Variants in ZNF215 observed in about 807,000 individuals in gnomAD.
ZNF215 encodes BWSCR2-associated zinc finger protein 2.
In ZNF215, 24 loss-of-function variants were observed where a neutral mutation model predicts 27.2. The observed-to-expected ratio is 0.88, with a 90% confidence interval of 0.64 to 1.24. The LOEUF (loss-of-function observed/expected upper bound fraction) is 1.24, where lower values mean the gene tolerates loss of function less well. Ranked by LOEUF, ZNF215 falls within the 50% of genes most tolerant of loss-of-function variation. The probability of loss-of-function intolerance (pLI) is 0.00; values close to 1 mark genes in which losing one functional copy is unlikely to be tolerated. For missense variants in ZNF215, 675 were observed against 605.7 expected (o/e 1.11, Z -1.20); for synonymous variants, 210 against 204.0 (o/e 1.03, Z -0.25).
intron 6 of ZNF215, among the ~76,000 whole-genome samples, chr11:6,951,506 C>T (rs531124928): frequency 1.5e-3 from 233 of 152,282 alleles, no homozygotes; most frequent in African/African-American, 5.4e-3. Flanking sequence ...TCTAGATTTT[C>T]TAGTTTATTT....
chr11:6,940,474 T>A (rs1014002120), intron 3 of ZNF215, among the ~76,000 whole-genome samples: 8 of 152,072 alleles, frequency 5.3e-5, no homozygotes, highest in African/African-American at 1.7e-4. Flanking sequence ...CTGGCTAATT[T>A]ATTATGATTA....
intron 3 of ZNF215, among the ~76,000 whole-genome samples, chr11:6,933,684 A>G (rs1472850842): frequency 6.6e-6 from 1 of 151,704 alleles, no homozygotes; most frequent in African/African-American, 2.4e-5. Flanking sequence ...AGTCCCAGCT[A>G]CTAGGGAGGC....
downstream of ZNF215, among the ~76,000 whole-genome samples, chr11:6,989,992 C>T (rs887927230): frequency 1.3e-5 from 2 of 152,164 alleles, no homozygotes; most frequent in Non-Finnish European, 2.9e-5. Flanking sequence ...ACCTACATGG[C>T]AGGATGCAAT....
intron 6 of ZNF215, among the ~76,000 whole-genome samples, chr11:6,955,039 G>T (rs147108468): frequency 3.3e-5 from 5 of 152,062 alleles, no homozygotes; most frequent in Non-Finnish European, 5.9e-5. Flanking sequence ...TAATTAGAAC[G>T]GTAAAGTTTT....
At chr11:6,978,975 T>C (rs1476932872) in intron 5 of ZNF215, among the ~76,000 whole-genome samples, 2 of 152,036 alleles carry the variant, frequency 1.3e-5, no homozygotes, top group East Asian at 3.9e-4. Context: ...ATAGAGTTGC[T>C]GCCTAACAGC....
intron 5 of ZNF215, among the ~76,000 whole-genome samples, chr11:6,976,865 A>T (rs542694879): frequency 6.6e-6 from 1 of 152,086 alleles, no homozygotes; most frequent in Non-Finnish European, 1.5e-5. Flanking sequence ...GGCTTAAAAC[A>T]ACTCATCTTT....
intron 5 of ZNF215, among the ~76,000 whole-genome samples, chr11:6,980,864 G>GT (rs1233708112): frequency 1.3e-5 from 2 of 149,404 alleles, no homozygotes; most frequent in Non-Finnish European, 3.0e-5. Context: ...GCAGTGTTTG[G>GT]TTTTTTGTTC....
intron 6 of ZNF215, among the ~76,000 whole-genome samples, chr11:6,946,676 G>T (rs982627782): frequency 2.0e-5 from 3 of 152,016 alleles, no homozygotes; most frequent in Non-Finnish European, 2.9e-5. Context: ...GTTTTTTTCA[G>T]TTGTACGCTT....
At chr11:6,943,257 T>C in intron 5 of ZNF215, 42 bp downstream of exon 5, 1 of 1,577,202 alleles carries the variant, frequency 6.3e-7, no homozygotes, top group African/African-American at 1.4e-5. Flanking sequence ...TTTAGTAATC[T>C]CTTCCTACCG....
chr11:6,967,848 CCT>C (rs1850653215), intron 5 of ZNF215, among the ~76,000 whole-genome samples: 1 of 152,092 alleles, frequency 6.6e-6, no homozygotes, highest in Non-Finnish European at 1.5e-5. Context: ...GTGTTTTAGT[CCT>C]GAAGTCTTTG....
intron 2 of ZNF215, among the ~76,000 whole-genome samples, chr11:6,930,940 G>T (rs889734525): frequency 6.6e-6 from 1 of 152,144 alleles, no homozygotes; most frequent in Non-Finnish European, 1.5e-5. Context: ...AATTATTGAC[G>T]ATTTGGACTG....
chr11:6,939,417 G>A (rs1337747378), intron 3 of ZNF215, among the ~76,000 whole-genome samples: 1 of 152,146 alleles, frequency 6.6e-6, no homozygotes, highest in East Asian at 1.9e-4. Flanking sequence ...GTAAATATGT[G>A]TTGAAAAAAT....
At position 6,956,508 on chromosome 11, in the gene ZNF215, C is replaced by A. The variant is rs768103509; in HGVS notation, c.1531C>A (p.Leu511Met). The A allele has an allele frequency of 3.9e-5, 62 of 1,598,430 alleles. 1 individual carries two copies. Among genetic ancestry groups the A allele is most frequent in the Admixed American group, 5.3e-5 (3 of 56,308 alleles). ...TTCAAACCTTGTTAAACATCAAAAACTGCATACTCGAGATAAGTCCTGAAA... is the reference window on the plus strand; with the variant it reads ...TTCAAACCTTGTTAAACATCAAAAAATGCATACTCGAGATAAGTCCTGAAA... ...RSSNLVKHQK[L>M]HTRDKS Residue 511 changes from leucine (L) to methionine (M), a missense_variant, in exon 7 of 7, where the codon CTG becomes ATG. Coordinates refer to ENST00000278319, the MANE Select transcript of ZNF215 (RefSeq NM_013250.4).
intron 5 of ZNF215, among the ~76,000 whole-genome samples, chr11:6,982,401 G>A (rs1384588709): frequency 1.3e-5 from 2 of 152,060 alleles, no homozygotes; most frequent in East Asian, 3.9e-4. Flanking sequence ...TCTGCACCAA[G>A]CAGACCTAAT....
chr11:6,939,392 C>A (rs1269946216), intron 3 of ZNF215, among the ~76,000 whole-genome samples: 1 of 151,970 alleles, frequency 6.6e-6, no homozygotes, highest in Non-Finnish European at 1.5e-5. Context: ...TTGTGTATCT[C>A]GCACATAGGA....
chr11:6,953,552 C>T (rs1205106294), intron 6 of ZNF215, among the ~76,000 whole-genome samples: 1 of 152,258 alleles, frequency 6.6e-6, no homozygotes. Context: ...CTGCATTCTT[C>T]ACATAGTTCT....
At chr11:6,942,750 A>T (rs562580331) in intron 4 of ZNF215, among the ~76,000 whole-genome samples, 87 of 152,284 alleles carry the variant, frequency 5.7e-4, no homozygotes, top group South Asian at 1.2e-3. Flanking sequence ...AACTCCTTTT[A>T]GGTAAATTAT....
intron 5 of ZNF215, among the ~76,000 whole-genome samples, chr11:6,963,254 T>G (rs541522974): frequency 6.6e-6 from 1 of 152,122 alleles, no homozygotes; most frequent in African/African-American, 2.4e-5. Flanking sequence ...GACCCCTGAT[T>G]AGGCCTATCT....
At chr11:6,982,734 A>G (rs1850982556) in intron 5 of ZNF215, among the ~76,000 whole-genome samples, 1 of 152,044 alleles carries the variant, frequency 6.6e-6, no homozygotes, top group Non-Finnish European at 1.5e-5. Flanking sequence ...AACATACCAG[A>G]ATCTCTGGGA....
Sources: gnomAD v4.1 joint callset for allele counts (sites outside exome capture counted in the v4.1 genomes callset) on GRCh38, gnomAD v4.1.1 for gene constraint, MANE v1.5 for transcripts, NCBI Gene and HGNC (gene_info 2026-07-23, HGNC 2026-07-21) for gene names.